PIK3C3: variants seen among roughly 807,000 people sequenced by gnomAD.
The protein encoded by PIK3C3 is phosphatidylinositol 3-kinase catalytic subunit type 3, also known as PI3-kinase type 3.
In PIK3C3, 95 loss-of-function variants were observed where a neutral mutation model predicts 126.1. The ratio of observed to expected loss-of-function variants is 0.75; its 90% CI spans 0.64 to 0.89. The LOEUF is 0.89. Ranked by LOEUF, PIK3C3 falls within the 40% of genes least tolerant of loss-of-function variation. The pLI, the probability that PIK3C3 is intolerant of heterozygous loss-of-function variation, is 0.00. For synonymous variants in PIK3C3, 374 were observed against 360.0 expected (o/e 1.04, Z -0.44); for missense variants, 829 against 1,063.2 (o/e 0.78, Z 3.06).
chr18:41,961,777 A>G (rs537140532), intron 2 of PIK3C3, among the ~76,000 whole-genome samples: 1 of 152,324 alleles, frequency 6.6e-6, no homozygotes, highest in African/African-American at 2.4e-5. Context: ...GTGAAATTTA[A>G]AAGTATAAGA....
Position 41,999,298 on chromosome 18 carries a change from A to T in PIK3C3, c.984+2568A>T, listed in dbSNP as rs539650955. 5.9e-5 allele frequency among the ~76,000 whole-genome samples: 9 copies of T among 152,330 alleles called. No homozygotes were observed. The South Asian group carries it at 1.9e-3, about 32-fold the overall frequency. ...TCAAAACTATTTGACAAAAACTGCA[A>T]TTACTTTTGCACCAACCTGCTTTTA... On this transcript the variant is annotated intron_variant, in intron 9 of 24. Transcript: ENST00000262039.
rs1169336693 is a variant in PIK3C3, at chr18:42,024,341, C to A, written c.1485-3102C>A. ...ATGATTCAAATCTAGGTCTTCTAGTCTTGATAGCTAACCTTGTCTCTCATA... is the reference window on the plus strand; with the variant it reads ...ATGATTCAAATCTAGGTCTTCTAGTATTGATAGCTAACCTTGTCTCTCATA... On this transcript the variant is annotated intron_variant, in intron 13 of 24. Transcript: ENST00000262039. Among the ~76,000 whole-genome samples the A allele has an allele frequency of 2.0e-5, 3 of 152,208 alleles. No homozygotes were observed. The East Asian group carries it at 5.8e-4, about 29-fold the overall frequency.
At chr18:41,986,158 C>T (rs1230495224) in intron 4 of PIK3C3, among the ~76,000 whole-genome samples, 3 of 152,094 alleles carry the variant, frequency 2.0e-5, no homozygotes, top group Admixed American at 6.6e-5. Context: ...TTGGCCACTT[C>T]ATAGTAGTAG....
At chr18:42,044,566 C>T (rs1473173332) in intron 20 of PIK3C3, among the ~76,000 whole-genome samples, 1 of 151,876 alleles carries the variant, frequency 6.6e-6, no homozygotes, top group African/African-American at 2.4e-5. Context: ...GAGGTGTGCA[C>T]CACCACACTT....
chr18:42,055,071 C>T (rs1048545889), intron 21 of PIK3C3, among the ~76,000 whole-genome samples: 17 of 151,954 alleles, frequency 1.1e-4, no homozygotes, highest in Non-Finnish European at 2.2e-4. Context: ...GTTGAAACTT[C>T]ATCCCCATTG....
At chr18:41,957,533 A>G (rs772856719) in intron 1 of PIK3C3, 37 bp from the exon 2 acceptor site, 1 of 1,591,548 alleles carries the variant, frequency 6.3e-7, no homozygotes, top group South Asian at 1.1e-5. Flanking sequence ...TGCTTAAAAA[A>G]TTCATGTCTG....
At chr18:41,979,191 C>T (rs563983118) in intron 4 of PIK3C3, among the ~76,000 whole-genome samples, 3 of 151,220 alleles carry the variant, frequency 2.0e-5, no homozygotes, top group Non-Finnish European at 4.4e-5. Flanking sequence ...CAATTCCTAA[C>T]TGATACAGAT....
At chr18:42,031,536 T>G (rs2144447265) in intron 15 of PIK3C3, among the ~76,000 whole-genome samples, 1 of 152,264 alleles carries the variant, frequency 6.6e-6, no homozygotes, top group Non-Finnish European at 1.5e-5. Context: ...GCAATTAACC[T>G]GCCTCAGCCT....
chr18:42,014,243 A>C lies in PIK3C3; in HGVS notation c.1325+647A>C, dbSNP rs1459428491. On this transcript the variant is annotated intron_variant, in intron 11 of 24. Transcript: ENST00000262039. ...AAAAAAAAAAAAAAGAAATGGATGA[A>C]ATAGAAGGACGGAGCATGCTAGTGA... 2.6e-5 allele frequency among the ~76,000 whole-genome samples: 4 copies of C among 151,940 alleles called. No homozygotes were observed. The South Asian group carries it at 6.2e-4, about 24-fold the overall frequency.
At chr18:42,062,269 C>A (rs1253452828) in intron 22 of PIK3C3, among the ~76,000 whole-genome samples, 1 of 147,740 alleles carries the variant, frequency 6.8e-6, no homozygotes. Flanking sequence ...TATGTAACAG[C>A]GGATTGTACG....
intron 16 of PIK3C3, 89 bp from the exon 17 acceptor site, chr18:42,037,603 T>A: frequency 1.7e-6 from 2 of 1,180,188 alleles, no homozygotes; most frequent in South Asian, 3.1e-5. Flanking sequence ...TGTGTATTTA[T>A]CTTATATATC....
intron 4 of PIK3C3, among the ~76,000 whole-genome samples, chr18:41,985,823 A>AAT (rs1167988455): frequency 6.6e-6 from 1 of 152,132 alleles, no homozygotes; most frequent in Non-Finnish European, 1.5e-5. Flanking sequence ...TATGGGAGAT[A>AAT]ATATATATTA....
At chr18:42,060,142 A>G (rs1427774634) in intron 22 of PIK3C3, among the ~76,000 whole-genome samples, 2 of 152,130 alleles carry the variant, frequency 1.3e-5, no homozygotes, top group African/African-American at 4.8e-5. Flanking sequence ...CCTTCAGGAT[A>G]TAAGAATTAA....
rs545478850 is a variant in PIK3C3, at chr18:42,084,802, C to T, written c.*3665C>T. 1.3e-5 allele frequency: 2 copies of T among 152,196 alleles called. No individual in the cohort carries two copies. The highest frequency in any genetic ancestry group is 4.2e-4 in the South Asian group (2 of 4,810). 9.4% of individuals were successfully genotyped at this position (152,196 alleles called of 1,614,324 possible). ...TTATTAAATGTGCACATTCCCAATC[C>T]CCACTCCTGAGCAGCCAAATCAATC... On this transcript the variant is annotated 3_prime_UTR_variant, in exon 25 of 25. Transcript: ENST00000262039.
At chr18:41,979,772 G>C (rs1328394358) in intron 4 of PIK3C3, among the ~76,000 whole-genome samples, 1 of 151,936 alleles carries the variant, frequency 6.6e-6, no homozygotes, top group Non-Finnish European at 1.5e-5. Context: ...TCTCACTGAT[G>C]GCAGCTTATT....
chr18:42,014,727 A>G, intron 11 of PIK3C3, among the ~76,000 whole-genome samples: 1 of 152,186 alleles, frequency 6.6e-6, no homozygotes, highest in Middle Eastern at 3.2e-3. Flanking sequence ...CAGTCCAGTC[A>G]TTTAAATTAT....
At chr18:41,989,782 T>C (rs536402519) in intron 5 of PIK3C3, among the ~76,000 whole-genome samples, 1 of 152,334 alleles carries the variant, frequency 6.6e-6, no homozygotes, top group South Asian at 2.1e-4. Flanking sequence ...TTTCTCAGAA[T>C]GTACACCTGT....
chr18:42,053,197 T>C (rs1003666630), intron 21 of PIK3C3, among the ~76,000 whole-genome samples: 1 of 152,186 alleles, frequency 6.6e-6, no homozygotes, highest in Non-Finnish European at 1.5e-5. Context: ...AGCTAAGAAC[T>C]CTGGGCATGT....
chr18:42,049,679 C>A, intron 21 of PIK3C3, 74 bp downstream of exon 21: 1 of 1,225,422 alleles, frequency 8.2e-7, no homozygotes, highest in Admixed American at 1.7e-5. Context: ...TATGTACTAA[C>A]AAGATAAGTT....
Sources: gnomAD v4.1 joint callset for allele counts (sites outside exome capture counted in the v4.1 genomes callset) on GRCh38, gnomAD v4.1.1 for gene constraint, MANE v1.5 for transcripts, NCBI Gene and HGNC (gene_info 2026-07-23, HGNC 2026-07-21) for gene names.